Variants in LRRC37A2 observed in about 807,000 individuals in gnomAD.
The protein encoded by LRRC37A2 is leucine-rich repeat-containing protein 37A2.
Under a neutral mutation model 68.8 loss-of-function variants are expected in LRRC37A2, and 9 were observed. The observed-to-expected ratio is 0.13, with a 90% CI of 0.08 to 0.23. The LOEUF is 0.23. Among genes scored for constraint, LRRC37A2 ranks in the 10% least tolerant of loss-of-function variants. LRRC37A2 has a pLI of 1.00. For missense variants in LRRC37A2, 168 were observed against 950.4 expected, an observed-to-expected ratio of 0.18 and a Z score of 10.82; for synonymous variants, 63 against 367.6, an observed-to-expected ratio of 0.17 and a Z score of 9.48.
chr17:46,972,110 C>T, the LRRC37A2 span, among the ~76,000 whole-genome samples: 12 of 152,172 alleles, frequency 7.9e-5, no homozygotes, highest in African/African-American at 2.4e-4. Context: ...TAGAGACACC[C>T]GGAGGGGACA....
chr17:46,922,189 C>T, the LRRC37A2 span, among the ~76,000 whole-genome samples: 17 of 152,098 alleles, frequency 1.1e-4, no homozygotes, highest in Admixed American at 7.2e-4. Context: ...TGTAGGGACA[C>T]GGATGAAGCT....
At chr17:46,953,173 A>G in the LRRC37A2 span, among the ~76,000 whole-genome samples, 2 of 151,866 alleles carry the variant, frequency 1.3e-5, no homozygotes, top group African/African-American at 2.4e-5. Flanking sequence ...CATTAGGTAT[A>G]TCTCCTAATG....
the LRRC37A2 span, among the ~76,000 whole-genome samples, chr17:46,676,528 G>A: frequency 5.4e-5 from 8 of 146,946 alleles, no homozygotes; most frequent in African/African-American, 1.6e-4. Flanking sequence ...CACCATGCCC[G>A]GCCTCCCATG....
chr17:46,716,810 A>C, the LRRC37A2 span, among the ~76,000 whole-genome samples: 1 of 152,240 alleles, frequency 6.6e-6, no homozygotes, highest in East Asian at 1.9e-4. Context: ...ACATGAACAC[A>C]TATACCCCCT....
the LRRC37A2 span, among the ~76,000 whole-genome samples, chr17:46,954,527 A>G: frequency 1.3e-5 from 2 of 152,192 alleles, no homozygotes; most frequent in African/African-American, 4.8e-5. Flanking sequence ...TTGGTTCCAT[A>G]TGAACTTTAA....
chr17:46,873,811 GA>G, the LRRC37A2 span, among the ~76,000 whole-genome samples: 1 of 151,104 alleles, frequency 6.6e-6, no homozygotes, highest in East Asian at 1.9e-4. Context: ...TCAAAATGGT[GA>G]AACCCCATCT....
At chr17:46,850,926 G>A in the LRRC37A2 span, among the ~76,000 whole-genome samples, 1 of 152,182 alleles carries the variant, frequency 6.6e-6, no homozygotes, top group South Asian at 2.1e-4. Context: ...AGCCCACGGA[G>A]GCCCACGCTG....
the LRRC37A2 span, among the ~76,000 whole-genome samples, chr17:46,901,938 G>T: frequency 6.6e-6 from 1 of 151,612 alleles, no homozygotes; most frequent in African/African-American, 2.4e-5. Context: ...CTACCGAGTA[G>T]TTGGGATTAC....
the LRRC37A2 span, chr17:47,027,461 A>T: frequency 2.1e-5 from 14 of 664,072 alleles, no homozygotes; most frequent in Non-Finnish European, 3.8e-5. Flanking sequence ...GAGATAAAAA[A>T]TGTGTATCCA....
At chr17:47,007,467 T>C in the LRRC37A2 span, among the ~76,000 whole-genome samples, 1 of 152,226 alleles carries the variant, frequency 6.6e-6, no homozygotes, top group Non-Finnish European at 1.5e-5. Context: ...CGTGAGCCAC[T>C]GCGCCTGGCC....
chr17:46,636,540 TA>T, the LRRC37A2 span, among the ~76,000 whole-genome samples: 1 of 56,440 alleles, frequency 1.8e-5, no homozygotes, highest in Non-Finnish European at 3.1e-5. Context: ...TTTGTAGTAG[TA>T]AAAAAGAAAT....
the LRRC37A2 span, among the ~76,000 whole-genome samples, chr17:46,962,477 T>G: frequency 6.6e-6 from 1 of 152,236 alleles, no homozygotes; most frequent in Non-Finnish European, 1.5e-5. Context: ...AAACAGGATG[T>G]GGCAGAAGAG....
the LRRC37A2 span, among the ~76,000 whole-genome samples, chr17:46,781,731 A>T: frequency 3.5e-4 from 54 of 152,176 alleles, no homozygotes; most frequent in South Asian, 1.5e-3. Flanking sequence ...TAGCAAAATT[A>T]AAAAAATCAA....
the LRRC37A2 span, among the ~76,000 whole-genome samples, chr17:46,635,914 C>T: frequency 1.9e-5 from 2 of 104,252 alleles, no homozygotes. Flanking sequence ...TGCAAAAATC[C>T]TCTTGAACTT....
At chr17:47,004,373 A>G in the LRRC37A2 span, among the ~76,000 whole-genome samples, 2 of 152,230 alleles carry the variant, frequency 1.3e-5, no homozygotes, top group East Asian at 3.9e-4. Flanking sequence ...ATTTCACGGT[A>G]ACCCAATCCA....
chr17:46,784,509 G>A, the LRRC37A2 span, among the ~76,000 whole-genome samples: 14 of 152,038 alleles, frequency 9.2e-5, no homozygotes, highest in African/African-American at 3.4e-4. Context: ...GATGCCATAT[G>A]CCAAGGGGTG....
the LRRC37A2 span, among the ~76,000 whole-genome samples, chr17:46,907,408 G>T: frequency 6.6e-6 from 1 of 151,972 alleles, no homozygotes; most frequent in Non-Finnish European, 1.5e-5. Context: ...GCTGACCCTT[G>T]TGCTTCAGAC....
At chr17:46,931,071 C>CA in the LRRC37A2 span, 1 of 1,164,184 alleles carries the variant, frequency 8.6e-7, no homozygotes, top group Non-Finnish European at 1.3e-6. Context: ...TCTTTTCCAG[C>CA]AATTATTCTT....
chr17:46,783,227 G>A, the LRRC37A2 span, among the ~76,000 whole-genome samples: 4 of 152,214 alleles, frequency 2.6e-5, no homozygotes, highest in Non-Finnish European at 2.9e-5. Flanking sequence ...ATAAAACCAT[G>A]AAGGAGCAGC....
Sources: allele counts gnomAD v4.1 joint callset (sites outside exome capture counted in the v4.1 genomes callset), GRCh38; gene constraint gnomAD v4.1.1; transcripts MANE v1.5; gene names NCBI Gene and HGNC (gene_info 2026-07-23, HGNC 2026-07-21).